Variants in TENM4 observed in about 807,000 individuals in gnomAD.
TENM4 encodes the protein teneurin transmembrane protein 4, also known as teneurin-4.
Under a neutral mutation model 243.3 loss-of-function variants are expected in TENM4, and 82 were observed. The observed-to-expected ratio is 0.34, with a 90% CI of 0.28 to 0.40. The LOEUF (loss-of-function observed/expected upper bound fraction) is 0.40. Ranked by LOEUF, TENM4 falls within the 10% of genes least tolerant of loss-of-function variation. The pLI is 1.00. For synonymous variants in TENM4, 1,412 were observed against 1,456.3 expected, an observed-to-expected ratio of 0.97 and a Z score of 0.69; for missense variants, 3,138 against 3,673.3, an observed-to-expected ratio of 0.85 and a Z score of 3.77.
At chr11:79,386,197 T>A (rs1858108398) in intron 1 of TENM4, among the ~76,000 whole-genome samples, 1 of 151,988 alleles carries the variant, frequency 6.6e-6, no homozygotes, top group Admixed American at 6.6e-5. Context: ...CGTTGTTAGG[T>A]CTATTGGTTA....
chr11:79,419,559 G>C (rs757905239), intron 1 of TENM4, among the ~76,000 whole-genome samples: 1 of 152,184 alleles, frequency 6.6e-6, no homozygotes, highest in Non-Finnish European at 1.5e-5. Flanking sequence ...TCACATTCTG[G>C]ACTTGACAGT....
chr11:78,761,700 C>A (rs1565368091), intron 18 of TENM4, among the ~76,000 whole-genome samples: 1 of 5,068 alleles, frequency 2.0e-4, no homozygotes, highest in South Asian at 1.6e-3. Flanking sequence ...CTTAGCACAC[C>A]CCCCCAGCCC....
chr11:78,980,979 G>A (rs2136624053), intron 6 of TENM4, among the ~76,000 whole-genome samples: 1 of 152,302 alleles, frequency 6.6e-6, no homozygotes, highest in Non-Finnish European at 1.5e-5. Flanking sequence ...CATGAAAGGT[G>A]TAGAAGCTGG....
At chr11:79,219,429 A>G (rs1213964866) in intron 2 of TENM4, among the ~76,000 whole-genome samples, 1 of 152,232 alleles carries the variant, frequency 6.6e-6, no homozygotes, top group African/African-American at 2.4e-5. Flanking sequence ...AGCCTTGCAC[A>G]ATATGAATTG....
intron 1 of TENM4, among the ~76,000 whole-genome samples, chr11:79,432,075 T>G (rs1859180026): frequency 1.3e-5 from 2 of 152,250 alleles, no homozygotes; most frequent in South Asian, 4.1e-4. Context: ...TTGTTTCATT[T>G]TAATTAAATT....
In TENM4 at chr11:78,672,398, G is replaced by A. The variant is rs146541866; in HGVS notation, c.5497-69C>T. 3.5e-5 allele frequency: 53 copies of A among 1,523,182 alleles called. No individual in the cohort carries two copies. In the East Asian group the frequency reaches 7.2e-4, roughly 21 times the overall value. 94.4% of individuals were successfully genotyped at this position (1,523,182 alleles called of 1,614,324 possible). A position where few individuals can be genotyped will look rare whatever the true frequency, so the allele number is the denominator to read the frequency against. ...TGAGAACTTTGGTCTGATGGGCCAC[G>A]TTGCTCTCAGCTCTGCTGGGAAGCT... On this transcript the variant is annotated intron_variant, in intron 30 of 33. Coordinates refer to ENST00000278550, the MANE Select transcript of TENM4 (RefSeq NM_001098816.3).
intron 9 of TENM4, among the ~76,000 whole-genome samples, chr11:78,874,803 A>G (rs1859225327): frequency 6.6e-6 from 1 of 152,148 alleles, no homozygotes; most frequent in African/African-American, 2.4e-5. Flanking sequence ...ATTTGAGACA[A>G]TGTGATGAAA....
intron 6 of TENM4, among the ~76,000 whole-genome samples, chr11:78,970,519 GGC>G (rs1857519368): frequency 6.6e-6 from 1 of 152,138 alleles, no homozygotes; most frequent in Non-Finnish European, 1.5e-5. Context: ...CCTCTTTTAG[GGC>G]AGTAAAGTAC....
Position 78,823,854 on chromosome 11 carries a change from T to C in TENM4, c.1682-9459A>G, listed in dbSNP as rs116674825. 9.5e-3 allele frequency among the ~76,000 whole-genome samples: 1,448 copies of C among 152,342 alleles called. 15 individuals carry two copies. The highest frequency in any genetic ancestry group is 0.032 in the African/African-American group (1,351 of 41,572). ...TGGCACGTCACCAGGATCTACTTCA[T>C]AGCTTGGAGGCTTTGATAATAGCTG... is the stretch of plus-strand genomic sequence containing the variant. On this transcript the variant is annotated intron_variant, in intron 12 of 33. Coordinates refer to ENST00000278550, the MANE Select transcript of TENM4 (RefSeq NM_001098816.3).
chr11:79,161,144 A>G (rs1778074990), intron 3 of TENM4, among the ~76,000 whole-genome samples: 2 of 152,190 alleles, frequency 1.3e-5, no homozygotes, highest in African/African-American at 4.8e-5. Context: ...CTGAGATTTT[A>G]TGTGCAAGAG....
At chr11:78,690,219 G>A (rs374555596) in intron 28 of TENM4, among the ~76,000 whole-genome samples, 26 of 152,154 alleles carry the variant, frequency 1.7e-4, no homozygotes, top group African/African-American at 6.3e-4. Flanking sequence ...GAGAGACGGC[G>A]GCTAGGAAGG....
intron 1 of TENM4, among the ~76,000 whole-genome samples, chr11:79,314,519 A>C (rs1856773257): frequency 6.6e-6 from 1 of 152,218 alleles, no homozygotes; most frequent in Non-Finnish European, 1.5e-5. Flanking sequence ...AGACCCCAAC[A>C]GGGGAAAACA....
chr11:79,439,339 G>C (rs1179377810), intron 1 of TENM4: 4 of 152,058 alleles, frequency 2.6e-5, no homozygotes, highest in African/African-American at 9.7e-5. Context: ...GGGTGGGAGG[G>C]AGTTAGAGAT....
intron 3 of TENM4, among the ~76,000 whole-genome samples, chr11:79,175,595 T>A (rs2135126278): frequency 6.6e-6 from 1 of 152,314 alleles, no homozygotes; most frequent in Non-Finnish European, 1.5e-5. Flanking sequence ...TCACAAAATT[T>A]AATGTGGAAT....
intron 2 of TENM4, among the ~76,000 whole-genome samples, chr11:79,264,054 T>G (rs1216284346): frequency 6.6e-6 from 1 of 152,210 alleles, no homozygotes; most frequent in African/African-American, 2.4e-5. Flanking sequence ...TCTTCCAGAA[T>G]GGACATTGTG....
intron 6 of TENM4, among the ~76,000 whole-genome samples, chr11:78,909,188 A>G (rs1333871102): frequency 6.6e-6 from 1 of 152,258 alleles, no homozygotes; most frequent in Non-Finnish European, 1.5e-5. Flanking sequence ...TAGTCTAGTA[A>G]AGAAAATGGA....
intron 1 of TENM4, among the ~76,000 whole-genome samples, chr11:79,410,602 T>C (rs918509586): frequency 2.0e-5 from 3 of 152,230 alleles, no homozygotes; most frequent in Admixed American, 6.5e-5. Context: ...CACATATGTA[T>C]GAACAGGCAG....
intron 13 of TENM4, among the ~76,000 whole-genome samples, chr11:78,813,299 C>T (rs570107727): frequency 6.6e-6 from 1 of 152,202 alleles, no homozygotes; most frequent in Non-Finnish European, 1.5e-5. Flanking sequence ...CCTCAGGACT[C>T]GGGTGTAGTG....
intron 19 of TENM4, among the ~76,000 whole-genome samples, chr11:78,744,017 C>T (rs1855991154): frequency 6.6e-6 from 1 of 152,092 alleles, no homozygotes; most frequent in Admixed American, 6.5e-5. Context: ...GTTTTTTTGC[C>T]TGACTTGTGT....
Sources: gnomAD v4.1 joint callset for allele counts (sites outside exome capture counted in the v4.1 genomes callset) on GRCh38, gnomAD v4.1.1 for gene constraint, MANE v1.5 for transcripts, NCBI Gene and HGNC (gene_info 2026-07-23, HGNC 2026-07-21) for gene names.